Variants in KCNQ3 observed in about 807,000 individuals in gnomAD.
KCNQ3 encodes potassium voltage-gated channel subfamily Q member 3.
KCNQ3 carries 30 observed loss-of-function variants against 92.5 expected under a neutral mutation model. That is an observed-to-expected ratio of 0.32 (90% CI 0.24 to 0.44). The LOEUF (loss-of-function observed/expected upper bound fraction) is 0.44. Ranked by LOEUF, KCNQ3 falls within the 20% of genes least tolerant of loss-of-function variation. KCNQ3 has a pLI of 1.00. For missense variants in KCNQ3, 913 were observed against 1,140.3 expected, an observed-to-expected ratio of 0.80 and a Z score of 2.87; for synonymous variants, 450 against 468.8, an observed-to-expected ratio of 0.96 and a Z score of 0.52.
At chr8:132,418,027 C>G (rs575644274) in intron 1 of KCNQ3, among the ~76,000 whole-genome samples, 4 of 152,246 alleles carry the variant, frequency 2.6e-5, no homozygotes, top group Admixed American at 2.6e-4. Flanking sequence ...AGCCACACCC[C>G]CCTCATCTTC....
At chr8:132,209,538 C>CAT (rs1180097565) in intron 1 of KCNQ3, among the ~76,000 whole-genome samples, 1 of 145,018 alleles carries the variant, frequency 6.9e-6, no homozygotes, top group Admixed American at 6.8e-5. Flanking sequence ...ACCACACACA[C>CAT]ACACAAACAC....
intron 1 of KCNQ3, among the ~76,000 whole-genome samples, chr8:132,467,113 G>A (rs1822190678): frequency 6.6e-6 from 1 of 152,128 alleles, no homozygotes; most frequent in Admixed American, 6.5e-5. Context: ...TATTTCAGAT[G>A]AGCAAACTGT....
At position 132,347,924 on chromosome 8, in the gene KCNQ3, C is replaced by T. The variant is rs1586946647; in HGVS notation, c.386+132223G>A. ...CCTGGGAGGCGGAGCTTGCAGTGAGCCAAGAACACGCCACTGCACTTCAGC... is the reference window on the plus strand; with the variant it reads ...CCTGGGAGGCGGAGCTTGCAGTGAGTCAAGAACACGCCACTGCACTTCAGC... On this transcript the variant is annotated intron_variant, in intron 1 of 14. Transcript: ENST00000388996. 1.4e-5 allele frequency among the ~76,000 whole-genome samples: 2 copies of T among 147,150 alleles called. 1 individual carries two copies. The highest frequency in any genetic ancestry group is 4.3e-4 in the South Asian group (2 of 4,680).
At chr8:132,339,093 C>T (rs1818446524) in intron 1 of KCNQ3, among the ~76,000 whole-genome samples, 1 of 152,182 alleles carries the variant, frequency 6.6e-6, no homozygotes, top group African/African-American at 2.4e-5. Flanking sequence ...GGGTCCTGGG[C>T]TCCAGCTCTT....
At chr8:132,223,193 A>C (rs1055402194) in intron 1 of KCNQ3, among the ~76,000 whole-genome samples, 1 of 152,194 alleles carries the variant, frequency 6.6e-6, no homozygotes. Flanking sequence ...GAAAGGAAGA[A>C]AGGAAGGATG....
At chr8:132,355,099 A>C (rs966316910) in intron 1 of KCNQ3, among the ~76,000 whole-genome samples, 3 of 152,176 alleles carry the variant, frequency 2.0e-5, no homozygotes, top group Non-Finnish European at 4.4e-5. Context: ...TAGTTGACTA[A>C]GAGCTTATCT....
chr8:132,375,635 C>T (rs1010915537), intron 1 of KCNQ3, among the ~76,000 whole-genome samples: 1 of 152,212 alleles, frequency 6.6e-6, no homozygotes, highest in Non-Finnish European at 1.5e-5. Context: ...CTGTTCCCTG[C>T]TGATCTGTTC....
intron 1 of KCNQ3, among the ~76,000 whole-genome samples, chr8:132,448,984 C>T (rs764674866): frequency 4.6e-5 from 7 of 152,130 alleles, no homozygotes; most frequent in African/African-American, 9.7e-5. Flanking sequence ...TGCCACGGTA[C>T]GGCAGGAAGA....
At chr8:132,172,257 T>C (rs1826391574) in intron 7 of KCNQ3, among the ~76,000 whole-genome samples, 1 of 152,062 alleles carries the variant, frequency 6.6e-6, no homozygotes, top group Non-Finnish European at 1.5e-5. Context: ...TTTCTTGGCT[T>C]AGAAACTGAA....
At chr8:132,206,888 C>G (rs1813677533) in intron 1 of KCNQ3, among the ~76,000 whole-genome samples, 1 of 151,806 alleles carries the variant, frequency 6.6e-6, no homozygotes, top group Non-Finnish European at 1.5e-5. Context: ...TAATTTTGGG[C>G]TTGGTTTGCT....
chr8:132,249,066 C>T (rs1261058340), intron 1 of KCNQ3, among the ~76,000 whole-genome samples: 1 of 152,148 alleles, frequency 6.6e-6, no homozygotes, highest in African/African-American at 2.4e-5. Flanking sequence ...TGTGGTCTCG[C>T]TGGCCTCAGG....
intron 3 of KCNQ3, among the ~76,000 whole-genome samples, chr8:132,182,818 AAG>A (rs1423458176): frequency 2.0e-5 from 3 of 151,988 alleles, no homozygotes; most frequent in Non-Finnish European, 4.4e-5. Context: ...TAGATACTGA[AAG>A]AGGGCAAACG....
At chr8:132,303,881 TATA>T (rs1235520123) in intron 1 of KCNQ3, among the ~76,000 whole-genome samples, 1 of 151,210 alleles carries the variant, frequency 6.6e-6, no homozygotes, top group African/African-American at 2.4e-5. Flanking sequence ...TATATACACA[TATA>T]ATATTTTACA....
intron 1 of KCNQ3, among the ~76,000 whole-genome samples, chr8:132,441,871 T>C (rs1821547423): frequency 6.6e-6 from 1 of 152,166 alleles, no homozygotes. Context: ...GTGGTACATA[T>C]ACACCACGGA....
chr8:132,218,377 A>C (rs1814111656), intron 1 of KCNQ3, among the ~76,000 whole-genome samples: 1 of 152,244 alleles, frequency 6.6e-6, no homozygotes, highest in Admixed American at 6.5e-5. Flanking sequence ...ATGTGGGCAC[A>C]CAGTACATTT....
chr8:132,197,762 C>T (rs1235375308), intron 1 of KCNQ3, among the ~76,000 whole-genome samples: 1 of 152,192 alleles, frequency 6.6e-6, no homozygotes, highest in Non-Finnish European at 1.5e-5. Flanking sequence ...ACTGAGGTCT[C>T]ATCACTAACA....
At position 132,479,949 on chromosome 8, in the gene KCNQ3, AACACAC is replaced by A. The variant is rs371967111; in HGVS notation, c.386+192_386+197del. Among the ~76,000 whole-genome samples, 13,329 of 137,100 alleles carry A rather than the reference AACACAC, an allele frequency of 0.097. 680 individuals carry two copies. Among genetic ancestry groups the A allele is most frequent in the African/African-American group, 0.14 (5,103 of 36,984 alleles). The allele number at this position is 137,100 out of a possible 152,430, so 89.9% of individuals were successfully genotyped here. A position where few individuals can be genotyped will look rare whatever the true frequency, so the allele number is the denominator to read the frequency against. ...TAGTGTGGAACACCCGGAGAGCGGC[AACACAC>A]ACACACACACACACACACACACACA... On this transcript the variant is annotated intron_variant, in intron 1 of 14. Coordinates refer to ENST00000388996, the MANE Select transcript of KCNQ3 (RefSeq NM_004519.4).
At chr8:132,143,600 C>T (rs1825363717) in intron 9 of KCNQ3, among the ~76,000 whole-genome samples, 1 of 152,130 alleles carries the variant, frequency 6.6e-6, no homozygotes, top group Admixed American at 6.5e-5. Flanking sequence ...TCCTCATGGG[C>T]AGAATGATGA....
intron 1 of KCNQ3, among the ~76,000 whole-genome samples, chr8:132,195,346 C>T (rs1023638244): frequency 2.0e-5 from 3 of 152,144 alleles, no homozygotes; most frequent in South Asian, 2.1e-4. Context: ...TAGAAGAGCA[C>T]GGGAGGCAAA....
Sources: allele counts gnomAD v4.1 joint callset (sites outside exome capture counted in the v4.1 genomes callset), GRCh38; gene constraint gnomAD v4.1.1; transcripts MANE v1.5; gene names NCBI Gene and HGNC (gene_info 2026-07-23, HGNC 2026-07-21).